Variants in OR3A2 observed in about 807,000 individuals in gnomAD.
The protein encoded by OR3A2 is olfactory receptor family 3 subfamily A member 2.
For missense variants in OR3A2, 318 were observed against 392.8 expected (o/e 0.81, Z 1.61); for synonymous variants, 126 against 159.3 (o/e 0.79, Z 1.57).
At chr17:3,320,738 A>G (rs905167517) in intron 3 of OR3A2, among the ~76,000 whole-genome samples, 5 of 151,882 alleles carry the variant, frequency 3.3e-5, no homozygotes, top group Non-Finnish European at 5.9e-5. Flanking sequence ...ATTGGTCTAT[A>G]TCTCTGTTTT....
At chr17:3,317,804 G>C (rs549502563) in intron 3 of OR3A2, among the ~76,000 whole-genome samples, 312 of 152,176 alleles carry the variant, frequency 2.1e-3, no homozygotes, top group African/African-American at 7.2e-3. Context: ...AGCCAGAGTA[G>C]GAATTTATCT....
chr17:3,321,822 G>C (rs986624657), intron 3 of OR3A2, among the ~76,000 whole-genome samples: 1 of 152,154 alleles, frequency 6.6e-6, no homozygotes, highest in East Asian at 1.9e-4. Flanking sequence ...GTTCATCAAG[G>C]ATATTGGTCT....
chr17:3,336,895 C>T (rs1189100342), intron 2 of OR3A2, among the ~76,000 whole-genome samples: 1 of 152,206 alleles, frequency 6.6e-6, no homozygotes, highest in African/African-American at 2.4e-5. Context: ...TCCTACCTAA[C>T]CCCAATTTAG....
intron 2 of OR3A2, among the ~76,000 whole-genome samples, chr17:3,376,284 T>C (rs988784834): frequency 1.3e-5 from 2 of 152,164 alleles, no homozygotes; most frequent in Non-Finnish European, 2.9e-5. Context: ...AAGGGGGATA[T>C]AAGCTTGCCC....
chr17:3,278,444 G>A lies in OR3A2; in HGVS notation c.474C>T (p.Asn158=), dbSNP rs554078410. 7.4e-5 allele frequency: 119 copies of A among 1,614,192 alleles called. 1 individual carries two copies. In the South Asian group the frequency reaches 1.2e-3, roughly 16 times the overall value. The stretch of plus-strand genomic sequence containing the variant: ...ACATGGCCACAGTGTGGGTCAGTGC[G>A]TTGGTGAAGGCACAAGCCAAGGACG... Residue 158 remains asparagine (N), a synonymous_variant, in exon 2 of 2, where the codon AAC becomes AAT. Coordinates refer to ENST00000642052, the Ensembl canonical transcript of OR3A2.
At chr17:3,322,094 G>C (rs1322024691) in intron 3 of OR3A2, among the ~76,000 whole-genome samples, 2 of 152,124 alleles carry the variant, frequency 1.3e-5, no homozygotes, top group Admixed American at 1.3e-4. Context: ...TCCTGGTTTA[G>C]TCTTGGGAGG....
At chr17:3,278,855 C>G in exon 2 of OR3A2, 1 of 1,520,208 alleles carries the variant, frequency 6.6e-7, no homozygotes, top group Admixed American at 2.1e-5. Flanking sequence ...CTTCTGTTTG[C>G]ACTAGGCCCA....
chr17:3,331,209 C>G (rs1415966118), intron 3 of OR3A2, among the ~76,000 whole-genome samples: 2 of 151,946 alleles, frequency 1.3e-5, no homozygotes, highest in Admixed American at 1.3e-4. Flanking sequence ...TTGCTCTTCT[C>G]AAGGAGTAAC....
chr17:3,292,411 G>C, intron 3 of OR3A2: 1 of 1,614,038 alleles, frequency 6.2e-7, no homozygotes, highest in Middle Eastern at 1.6e-4. Flanking sequence ...GGGGTGTGGA[G>C]TTTGGGCTCC....
intron 2 of OR3A2, among the ~76,000 whole-genome samples, chr17:3,358,834 T>C (rs1188185927): frequency 2.0e-5 from 3 of 151,738 alleles, no homozygotes; most frequent in Non-Finnish European, 4.4e-5. Flanking sequence ...TAAATATCAT[T>C]GTTAATTTTC....
At chr17:3,296,898 T>C (rs2048923104) in intron 3 of OR3A2, among the ~76,000 whole-genome samples, 2 of 152,334 alleles carry the variant, frequency 1.3e-5, no homozygotes, top group South Asian at 2.1e-4. Context: ...CCAATGTTAC[T>C]TGACTGTACT....
At chr17:3,309,846 C>T (rs55751491) in intron 3 of OR3A2, 3,532 of 170,078 alleles carry the variant, frequency 0.021, 141 homozygotes, top group African/African-American at 0.079. Flanking sequence ...TATGACAGCA[C>T]GTGTATGCGG....
chr17:3,367,748 C>A (rs1007192246), intron 2 of OR3A2, among the ~76,000 whole-genome samples: 1 of 151,868 alleles, frequency 6.6e-6, no homozygotes, highest in Non-Finnish European at 1.5e-5. Flanking sequence ...ACTTCTTTTC[C>A]TCTGGGTAGA....
intron 1 of OR3A2, 89 bp from the exon 4 acceptor site, chr17:3,279,242 G>T (rs1437635789): frequency 2.4e-6 from 1 of 419,504 alleles, no homozygotes; most frequent in Non-Finnish European, 4.2e-6. Flanking sequence ...CCACAGGGGG[G>T]AAATGGGTAA....
chr17:3,278,239 C>A, exon 2 of OR3A2: 1 of 1,614,212 alleles, frequency 6.2e-7, no homozygotes, highest in Non-Finnish European at 8.5e-7. Context: ...CGTAGAACTG[C>A]AGCTGCCACG....
At chr17:3,291,994 G>A (rs1207612324) in intron 3 of OR3A2, 6 of 1,614,238 alleles carry the variant, frequency 3.7e-6, no homozygotes, top group Middle Eastern at 1.6e-4. Context: ...AGCTCATTGA[G>A]TTGGGTGCTG....
At position 3,355,271 on chromosome 17, in the gene OR3A2, G is replaced by A. The variant is rs1399292989; in HGVS notation, c.-178-19145C>T. 2.0e-5 allele frequency among the ~76,000 whole-genome samples: 3 copies of A among 151,448 alleles called. No homozygotes were observed. The East Asian group carries it at 5.8e-4, about 29-fold the overall frequency. On this transcript the variant is annotated intron_variant, in intron 2 of 4. Transcript: ENST00000573491. Reference sequence around the variant, plus strand: ...TGCTGAGGAAAAGAATGTGTATTCTGCAGCCTTTGGATGAAATGTTCTGTA... The same window carrying A: ...TGCTGAGGAAAAGAATGTGTATTCTACAGCCTTTGGATGAAATGTTCTGTA...
intron 1 of OR3A2, among the ~76,000 whole-genome samples, chr17:3,282,826 G>A (rs1036624936): frequency 5.3e-5 from 8 of 152,164 alleles, no homozygotes; most frequent in African/African-American, 1.9e-4. Flanking sequence ...CAGAAGCATT[G>A]GACAGCAACC....
At chr17:3,342,057 G>T (rs113236324) in intron 2 of OR3A2, among the ~76,000 whole-genome samples, 1 of 151,908 alleles carries the variant, frequency 6.6e-6, no homozygotes, top group African/African-American at 2.4e-5. Context: ...TGATCAAATC[G>T]GCTACTGAAG....
Sources: gnomAD v4.1 joint callset for allele counts (sites outside exome capture counted in the v4.1 genomes callset) on GRCh38, gnomAD v4.1.1 for gene constraint, MANE v1.5 for transcripts, NCBI Gene and HGNC (gene_info 2026-07-23, HGNC 2026-07-21) for gene names.